Variants in BTAF1 observed in about 807,000 individuals in gnomAD.
The protein encoded by BTAF1 is B-TFIID TATA-box binding protein associated factor 1.
In BTAF1, 38 loss-of-function variants were observed where a neutral mutation model predicts 227.1. The observed-to-expected ratio is 0.17, with a 90% CI of 0.13 to 0.22. BTAF1 has a LOEUF of 0.22. BTAF1 is among the 10% of genes least tolerant of loss of function. BTAF1 has a pLI of 1.00. For synonymous variants in BTAF1, 742 were observed against 751.9 expected (o/e 0.99, Z 0.21); for missense variants, 1,598 against 2,204.0 (o/e 0.73, Z 5.51).
At chr10:91,960,500 A>T (rs1402580489) in intron 11 of BTAF1, among the ~76,000 whole-genome samples, 1 of 152,114 alleles carries the variant, frequency 6.6e-6, no homozygotes, top group Non-Finnish European at 1.5e-5. Flanking sequence ...CATGGTGCCA[A>T]GTTATGCAGT....
intron 13 of BTAF1, among the ~76,000 whole-genome samples, chr10:91,966,124 A>G (rs1393395128): frequency 6.6e-6 from 1 of 152,164 alleles, no homozygotes; most frequent in Non-Finnish European, 1.5e-5. Context: ...TAACTTAGTA[A>G]TGCTACACCA....
In BTAF1 at chr10:91,982,115, A is replaced by T. The variant is rs745801374; in HGVS notation, c.1938A>T (p.Gln646His). 3 of 1,613,820 alleles carry T rather than the reference A, an allele frequency of 1.9e-6. No homozygotes were observed. The South Asian group carries it at 3.3e-5, about 18-fold the overall frequency. The change falls in exon 17 of 38, where the codon CAA (glutamine) becomes CAT (histidine). Residue 646 changes from glutamine (Q) to histidine (H), a missense_variant. By Grantham distance (24) the Gln-to-His change is conservative. Coordinates refer to ENST00000265990, the MANE Select transcript of BTAF1 (RefSeq NM_003972.3). ...CAGGTGGTAAGGTGCGCCAAGGCCA[A>T]AGCCAGAATAAAGAAGTACTTCAGG... ...EKTGGKVRQG[Q>H]SQNKEVLQEY...
At chr10:91,939,418 A>G (rs1844848941) in intron 2 of BTAF1, among the ~76,000 whole-genome samples, 1 of 152,206 alleles carries the variant, frequency 6.6e-6, no homozygotes, top group African/African-American at 2.4e-5. Flanking sequence ...TTTAAAATGC[A>G]CTTAAACATT....
intron 8 of BTAF1, 55 bp from the exon 9 acceptor site, chr10:91,959,010 A>C (rs1424608441): frequency 4.6e-6 from 7 of 1,527,158 alleles, no homozygotes; most frequent in Non-Finnish European, 6.3e-6. Flanking sequence ...AAGAAAAATC[A>C]AACTTTGTTT....
At chr10:91,937,896 A>G (rs1418788618) in intron 2 of BTAF1, among the ~76,000 whole-genome samples, 2 of 152,230 alleles carry the variant, frequency 1.3e-5, no homozygotes, top group African/African-American at 4.8e-5. Context: ...TTTCAACAGT[A>G]GTGTATGAGA....
At chr10:91,948,733 G>C (rs367939487) in intron 4 of BTAF1, among the ~76,000 whole-genome samples, 2 of 148,108 alleles carry the variant, frequency 1.4e-5, no homozygotes, top group Non-Finnish European at 1.5e-5. Context: ...GGCATATTTT[G>C]CACATTATTT....
intron 25 of BTAF1, among the ~76,000 whole-genome samples, chr10:92,005,102 T>C (rs1470781395): frequency 1.3e-5 from 2 of 152,206 alleles, no homozygotes; most frequent in African/African-American, 4.8e-5. Flanking sequence ...TTGCTGTTTT[T>C]ATGCCAACAT....
chr10:91,958,635 G>A (rs558673705), intron 8 of BTAF1, among the ~76,000 whole-genome samples: 3 of 152,182 alleles, frequency 2.0e-5, no homozygotes, highest in East Asian at 2.0e-4. Context: ...CCCGGGAGGC[G>A]GAGGTTGCGG....
rs113378702 is a variant in BTAF1 at position 92,005,144 on chromosome 10, A to G, written c.3661-2979A>G. On this transcript the variant is annotated intron_variant, in intron 25 of 37. Transcript: ENST00000265990. ...GTTTTGATTATTATACCTTTGTAGT[A>G]TATTTTGAAATCAGGTAGCGTGATC... 5.9e-5 allele frequency among the ~76,000 whole-genome samples: 9 copies of G among 152,284 alleles called. 1 individual carries two copies. Among genetic ancestry groups the G allele is most frequent in the African/African-American group, 1.7e-4 (7 of 41,560 alleles).
intron 25 of BTAF1, among the ~76,000 whole-genome samples, chr10:92,005,655 A>G (rs556684806): frequency 6.6e-6 from 1 of 152,218 alleles, no homozygotes; most frequent in South Asian, 2.1e-4. Flanking sequence ...TTAAAAATTG[A>G]AGACACCAAA....
chr10:91,944,075 C>T (rs1280614375), intron 4 of BTAF1, among the ~76,000 whole-genome samples: 4 of 151,754 alleles, frequency 2.6e-5, no homozygotes, highest in South Asian at 2.1e-4. Flanking sequence ...GGCTTGAACC[C>T]GGGAGGCGGA....
At chr10:91,999,978 G>T (rs564218091) in intron 25 of BTAF1, among the ~76,000 whole-genome samples, 1 of 152,142 alleles carries the variant, frequency 6.6e-6, no homozygotes, top group Admixed American at 6.6e-5. Flanking sequence ...TTGGGAAGGA[G>T]CATATGGGAT....
chr10:91,973,352 A>T (rs1228847491), intron 14 of BTAF1, among the ~76,000 whole-genome samples: 1 of 152,218 alleles, frequency 6.6e-6, no homozygotes, highest in Non-Finnish European at 1.5e-5. Flanking sequence ...ATCAAGTGAG[A>T]TAATGTGTAT....
chr10:92,000,742 C>T (rs913170835), intron 25 of BTAF1, among the ~76,000 whole-genome samples: 6 of 152,014 alleles, frequency 3.9e-5, no homozygotes, highest in Admixed American at 3.3e-4. Context: ...TTAGTAGAGA[C>T]GGGGTTTCAC....
chr10:91,997,197 T>A (rs532400391), intron 24 of BTAF1: 3 of 1,249,282 alleles, frequency 2.4e-6, no homozygotes, highest in Non-Finnish European at 3.2e-6. Context: ...TGCTGGTGAT[T>A]GTCAAGATCC....
Position 92,008,324 on chromosome 10 carries a change from G to A in BTAF1, c.3813+49G>A, listed in dbSNP as rs753729519. 35 of 1,469,142 alleles carry A rather than the reference G, an allele frequency of 2.4e-5. No homozygotes were observed. In the East Asian group the frequency reaches 3.8e-4, roughly 16 times the overall value. The allele number at this position is 1,469,142 out of a possible 1,614,324, so 91.0% of individuals were successfully genotyped here. ...TTTCCTTTCAAATGAACCTTGAAGC[G>A]TTGTGGGTTTGTTGGGGGGGGCTTT... is the stretch of plus-strand genomic sequence containing the variant. On this transcript the variant is annotated intron_variant, in intron 26 of 37. Transcript: ENST00000265990.
At chr10:92,008,792 A>T in intron 26 of BTAF1, 37 bp from the exon 27 acceptor site, 1 of 1,507,542 alleles carries the variant, frequency 6.6e-7, no homozygotes, top group Non-Finnish European at 8.9e-7. Flanking sequence ...AAATAAATTT[A>T]TGATGTATTC....
Position 91,923,954 on chromosome 10 carries a change from G to A in BTAF1, c.-123G>A. ...GAGGGCCTGCGCTGGAACGCCCCAC[G>A]CCGCACCGGCCGCTCCCCTGTGCTC... On this transcript the variant is annotated 5_prime_UTR_variant, in exon 1 of 38. Coordinates refer to ENST00000265990, the MANE Select transcript of BTAF1 (RefSeq NM_003972.3). The A allele has an allele frequency of 7.8e-7, 1 of 1,286,332 alleles. No individual in the cohort carries two copies. The highest frequency in any genetic ancestry group is 1.0e-6 in the Non-Finnish European group (1 of 978,484). The allele number at this position is 1,286,332 out of a possible 1,614,324, so 79.7% of individuals were successfully genotyped here.
chr10:91,978,301 A>C (rs528389670), intron 14 of BTAF1, among the ~76,000 whole-genome samples: 4 of 152,176 alleles, frequency 2.6e-5, no homozygotes, highest in African/African-American at 7.2e-5. Flanking sequence ...ATCTTCCTCT[A>C]TAGATGTGAC....
Sources: allele counts gnomAD v4.1 joint callset (sites outside exome capture counted in the v4.1 genomes callset), GRCh38; gene constraint gnomAD v4.1.1; transcripts MANE v1.5; gene names NCBI Gene and HGNC (gene_info 2026-07-23, HGNC 2026-07-21).